The following OSBPL2 variants were observed in gnomAD, a reference collection of about 807,000 sequenced individuals.
OSBPL2 encodes oxysterol binding protein like 2.
Under a neutral mutation model 58.4 loss-of-function variants are expected in OSBPL2, and 18 were observed. The ratio of observed to expected loss-of-function variants is 0.31; its 90% CI spans 0.21 to 0.46. The LOEUF is 0.46. OSBPL2 is among the 20% of genes least tolerant of loss of function. The pLI, the probability that OSBPL2 is intolerant of heterozygous loss-of-function variation, is 1.00. For synonymous variants in OSBPL2, 221 were observed against 234.1 expected (o/e 0.94, Z 0.51); for missense variants, 461 against 616.5 (o/e 0.75, Z 2.67).
In OSBPL2 at chr20:62,288,129, G is replaced by A. The variant is rs1172935118; in HGVS notation, c.1126-1078G>A. Among the ~76,000 whole-genome samples, 2 of 152,214 alleles carry A rather than the reference G, an allele frequency of 1.3e-5. No homozygotes were observed. Among genetic ancestry groups the A allele is most frequent in the African/African-American group, 4.8e-5 (2 of 41,450 alleles). The stretch of plus-strand genomic sequence containing the variant: ...AGTGTGTGAGGGCCCAGGGGGCCAT[G>A]GGGATGAGGGTGGAGGGGGTGCAGG... On this transcript the variant is annotated intron_variant, in intron 11 of 13. Transcript: ENST00000313733. The surrounding 1 kb of genome is among the most constrained non-coding windows in gnomAD (Gnocchi z 4.8).
In OSBPL2 at chr20:62,281,773, G is replaced by A; in HGVS notation, c.783-17G>A. On this transcript the variant is annotated splice_polypyrimidine_tract_variant and intron_variant, in intron 8 of 13. Coordinates refer to ENST00000313733, the MANE Select transcript of OSBPL2 (RefSeq NM_144498.4). Reference sequence around the variant, plus strand: ...TTGCTGTCTTGCAGCAGAAACCTGTGTTTGTTTTTCTCACAGAACTGGACA... The same window carrying A: ...TTGCTGTCTTGCAGCAGAAACCTGTATTTGTTTTTCTCACAGAACTGGACA... 3.2e-6 allele frequency: 5 copies of A among 1,582,262 alleles called. No individual in the cohort carries two copies. The South Asian group carries it at 4.4e-5, about 14-fold the overall frequency.
intron 7 of OSBPL2, among the ~76,000 whole-genome samples, chr20:62,279,775 A>C (rs150649337): frequency 1.7e-3 from 254 of 152,370 alleles, no homozygotes; most frequent in African/African-American, 5.6e-3. Flanking sequence ...TGGGTTGCCC[A>C]TGGCGCCTGT....
intron 9 of OSBPL2, 69 bp from the exon 10 acceptor site, chr20:62,283,977 G>A: frequency 6.9e-7 from 1 of 1,450,620 alleles, no homozygotes; most frequent in Non-Finnish European, 9.5e-7. Flanking sequence ...TTATTCCAGG[G>A]TGCCACATGT....
At chr20:62,275,544 C>T (rs1045627173) in intron 6 of OSBPL2, among the ~76,000 whole-genome samples, 6 of 152,094 alleles carry the variant, frequency 3.9e-5, no homozygotes, top group Non-Finnish European at 5.9e-5. Context: ...ACCTCCTGGG[C>T]TCAAGTTATC....
chr20:62,261,316 CAAA>C (rs11484468), intron 3 of OSBPL2, among the ~76,000 whole-genome samples: 6 of 85,688 alleles, frequency 7.0e-5, no homozygotes, highest in Non-Finnish European at 8.5e-5. Context: ...ACTCCATCTC[CAAA>C]AAAAAAAAAA....
chr20:62,272,293 A>T (rs909232308), intron 5 of OSBPL2, 34 bp downstream of exon 5: 3 of 1,605,698 alleles, frequency 1.9e-6, no homozygotes, highest in Non-Finnish European at 8.5e-7. Context: ...GGAGTTTGTC[A>T]TGAAAGTGAT....
intron 11 of OSBPL2, 78 bp downstream of exon 11, chr20:62,286,789 C>T: frequency 2.0e-6 from 3 of 1,514,330 alleles, no homozygotes; most frequent in Non-Finnish European, 2.7e-6. Flanking sequence ...ACGGCTCTTC[C>T]CTGTCCTTGG....
chr20:62,263,569 A>C (rs763607130), intron 3 of OSBPL2, 47 bp from the exon 4 acceptor site: 1 of 1,419,414 alleles, frequency 7.0e-7, no homozygotes, highest in Admixed American at 1.7e-5. Flanking sequence ...GAGTGGTCAG[A>C]GTCCTGTGTT....
rs746792598 is a variant in OSBPL2, at chr20:62,286,570, T to G, written c.997-13T>G. On this transcript the variant is annotated splice_polypyrimidine_tract_variant and intron_variant, in intron 10 of 13. Coordinates refer to ENST00000313733, the MANE Select transcript of OSBPL2 (RefSeq NM_144498.4). ...GGCCCCGGGCAGCCACACAGCAGGG[T>G]TCTGTGTTTCAGGATGAAGACTCCG... is the stretch of plus-strand genomic sequence containing the variant. The G allele has an allele frequency of 6.2e-7, 1 of 1,609,592 alleles. No homozygotes were observed.
At position 62,273,304 on chromosome 20, in the gene OSBPL2, T is replaced by C; in HGVS notation, c.394-5T>C. The C allele has an allele frequency of 6.2e-7, 1 of 1,606,968 alleles. No individual in the cohort carries two copies. Among genetic ancestry groups the C allele is most frequent in the Non-Finnish European group, 8.5e-7 (1 of 1,177,496 alleles). On this transcript the variant is annotated splice_region_variant and splice_polypyrimidine_tract_variant and intron_variant, in intron 5 of 13. Transcript: ENST00000313733. ...GTGCCTGTCCCCCCCGTGGATTATT[T>C]ACAGTCTGTGGCTGCTTTTGCTGTT...
chr20:62,242,163 C>G (rs751137122), intron 1 of OSBPL2, among the ~76,000 whole-genome samples: 4 of 152,110 alleles, frequency 2.6e-5, no homozygotes, highest in Non-Finnish European at 5.9e-5. Flanking sequence ...GCATGGTGTC[C>G]CGGCCTCTCA....
intron 13 of OSBPL2, among the ~76,000 whole-genome samples, 177 bp from the exon 14 acceptor site, chr20:62,293,608 T>C (rs1983665166): frequency 1.3e-5 from 2 of 152,260 alleles, no homozygotes; most frequent in African/African-American, 4.8e-5. Context: ...GGTTCCAGCA[T>C]TCACATGACC....
chr20:62,248,765 A>G (rs1273658419), intron 1 of OSBPL2, among the ~76,000 whole-genome samples: 1 of 152,086 alleles, frequency 6.6e-6, no homozygotes, highest in Non-Finnish European at 1.5e-5. Flanking sequence ...ATCATAGCTC[A>G]CTGCAGCCTC....
chr20:62,262,621 A>G (rs2145936852), intron 3 of OSBPL2, among the ~76,000 whole-genome samples: 1 of 152,260 alleles, frequency 6.6e-6, no homozygotes, highest in East Asian at 1.9e-4. Context: ...CATAGCTGCC[A>G]TGTCCTTTCC....
At chr20:62,280,590 GT>G (rs1982715246) in intron 7 of OSBPL2, among the ~76,000 whole-genome samples, 1 of 152,216 alleles carries the variant, frequency 6.6e-6, no homozygotes, top group Non-Finnish European at 1.5e-5. Context: ...TTGGTGGGGT[GT>G]TTTCTTCTTG....
intron 6 of OSBPL2, 107 bp downstream of exon 6, chr20:62,273,513 CTG>C: frequency 2.2e-6 from 2 of 916,612 alleles, no homozygotes; most frequent in Non-Finnish European, 3.4e-6. Context: ...TGAGAATAAA[CTG>C]TTTGAATTAA....
chr20:62,284,759 G>C (rs1983007908), intron 10 of OSBPL2: 1 of 152,282 alleles, frequency 6.6e-6, no homozygotes, highest in Admixed American at 6.5e-5. Flanking sequence ...CATAATTGCT[G>C]GCCCCCATGG....
intron 6 of OSBPL2, among the ~76,000 whole-genome samples, chr20:62,274,695 C>G (rs1156707088): frequency 6.6e-6 from 1 of 152,236 alleles, no homozygotes; most frequent in Non-Finnish European, 1.5e-5. Context: ...GCACACAGAG[C>G]TCGCTCCGCC....
intron 11 of OSBPL2, among the ~76,000 whole-genome samples, chr20:62,287,334 C>T (rs6089343): frequency 0.42 from 63,339 of 151,940 alleles, 13,670 homozygotes; most frequent in East Asian, 0.53. Context: ...CAATTTTGTA[C>T]GTCCCATAAA....
Sources: allele counts gnomAD v4.1 joint callset (sites outside exome capture counted in the v4.1 genomes callset), GRCh38; gene constraint gnomAD v4.1.1; non-coding constraint Gnocchi (gnomAD v3.1); transcripts MANE v1.5; gene names NCBI Gene and HGNC (gene_info 2026-07-23, HGNC 2026-07-21).